Variants in MCIDAS observed in about 807,000 individuals in gnomAD.
MCIDAS encodes the protein multiciliate differentiation and DNA synthesis associated cell cycle protein.
Under a neutral mutation model 35.4 loss-of-function variants are expected in MCIDAS, and 23 were observed. The ratio of observed to expected loss-of-function variants is 0.65; its 90% CI spans 0.47 to 0.92. The LOEUF (loss-of-function observed/expected upper bound fraction) is 0.92, where lower values mean the gene tolerates loss of function less well. Among genes scored for constraint, MCIDAS ranks in the 40% least tolerant of loss-of-function variants. MCIDAS has a pLI of 0.00. For synonymous variants in MCIDAS, 228 were observed against 235.2 expected (o/e 0.97, Z 0.28); for missense variants, 480 against 531.8 (o/e 0.90, Z 0.96).
In MCIDAS at chr5:55,223,730, G is replaced by T. The variant is rs1168436879; in HGVS notation, c.310-707C>A. ...AACCGCCCCACCCATGCAACCGAGC[G>T]GGAAGAAAGCTGTGATTCGAGGGGC... On this transcript the variant is annotated intron_variant, in intron 3 of 6. Coordinates refer to ENST00000513312, the MANE Select transcript of MCIDAS (RefSeq NM_001190787.3). This position sits in a 1 kb window ranked among gnomAD's most constrained non-coding sequence, Gnocchi z 4.4. Among the ~76,000 whole-genome samples the T allele has an allele frequency of 6.6e-6, 1 of 152,224 alleles. No individual in the cohort carries two copies. Among genetic ancestry groups the T allele is most frequent in the Non-Finnish European group, 1.5e-5 (1 of 68,046 alleles).
At chr5:55,225,236 G>T (rs1745436205) in intron 3 of MCIDAS, among the ~76,000 whole-genome samples, 1 of 152,068 alleles carries the variant, frequency 6.6e-6, no homozygotes, top group Non-Finnish European at 1.5e-5. Context: ...TAAACAAAAT[G>T]AAACTTTGAA....
Position 55,221,069 on chromosome 5 carries a change from C to A in MCIDAS, c.664G>T (p.Val222Leu). The A allele has an allele frequency of 6.5e-7, 1 of 1,536,106 alleles. No homozygotes were observed. The highest frequency in any genetic ancestry group is 8.7e-7 in the Non-Finnish European group (1 of 1,146,892). Residue 222 changes from valine (V) to leucine (L), a missense_variant, in exon 6 of 7, where the codon GTG (valine) becomes TTG (leucine). Physicochemically the swap from Val to Leu is conservative, Grantham distance 32. Transcript: ENST00000513312. ...EEIASLKERN[V>L]QLKELASRTR... ...CGGCTGGCGAGTTCCTTCAGCTGCA[C>A]GTTCCGCTCCTTGAGCGAGGCGATC... is the stretch of plus-strand genomic sequence containing the variant.
intron 2 of MCIDAS, 57 bp downstream of exon 2, chr5:55,226,778 G>C: frequency 7.2e-7 from 1 of 1,390,512 alleles, no homozygotes; most frequent in Non-Finnish European, 9.3e-7. Flanking sequence ...AGCTGTGCGC[G>C]CCGCACCCTC....
Position 55,222,411 on chromosome 5 carries a change from C to T in MCIDAS, c.383-12G>A. 1.4e-6 allele frequency: 2 copies of T among 1,463,546 alleles called. No individual in the cohort carries two copies. Among genetic ancestry groups the T allele is most frequent in the Non-Finnish European group, 1.8e-6 (2 of 1,109,462 alleles). 90.7% of individuals were successfully genotyped at this position (1,463,546 alleles called of 1,614,324 possible). A position where few individuals can be genotyped will look rare whatever the true frequency, so the allele number is the denominator to read the frequency against. On this transcript the variant is annotated splice_polypyrimidine_tract_variant and intron_variant, in intron 4 of 6. Transcript: ENST00000513312. Reference sequence around the variant, plus strand: ...CATAGAGGATGAGTCTGGAGAAGAGCAGGAGCTGGATTTGCAGCCTCAAAT... The same window carrying T: ...CATAGAGGATGAGTCTGGAGAAGAGTAGGAGCTGGATTTGCAGCCTCAAAT...
At chr5:55,221,213 C>G in intron 5 of MCIDAS, 87 bp from the exon 6 acceptor site, 1 of 849,092 alleles carries the variant, frequency 1.2e-6, no homozygotes, top group Non-Finnish European at 1.8e-6. Context: ...CAGATCCTGA[C>G]GTCTCATCAG....
chr5:55,227,011 C>T lies in MCIDAS; in HGVS notation c.120+8G>A. ...CAGACCCCGCCCGGCCCGAATCAAC[C>T]GCCCCACCTTCCTCTCCGGCTTCCC... is the stretch of plus-strand genomic sequence containing the variant. On this transcript the variant is annotated splice_region_variant and intron_variant, in intron 1 of 6. Transcript: ENST00000513312. 5.9e-6 allele frequency: 9 copies of T among 1,519,956 alleles called. No homozygotes were observed. The highest frequency in any genetic ancestry group is 7.9e-6 in the Non-Finnish European group (9 of 1,140,282). 94.2% of individuals were successfully genotyped at this position (1,519,956 alleles called of 1,614,324 possible).
At chr5:55,226,791 G>C in intron 2 of MCIDAS, 44 bp downstream of exon 2, 1 of 1,388,718 alleles carries the variant, frequency 7.2e-7, no homozygotes, top group Non-Finnish European at 9.3e-7. Context: ...GCACCCTCCC[G>C]GCGCGGGGAA....
rs1467192192 is a variant in MCIDAS, at chr5:55,226,829, G to A, written c.217+6C>T. The A allele has an allele frequency of 1.4e-6, 2 of 1,391,304 alleles. No individual in the cohort carries two copies. The highest frequency in any genetic ancestry group is 9.3e-7 in the Non-Finnish European group (1 of 1,079,294). 86.2% of individuals were successfully genotyped at this position (1,391,304 alleles called of 1,614,324 possible). On this transcript the variant is annotated splice_donor_region_variant and intron_variant, in intron 2 of 6. Coordinates refer to ENST00000513312, the MANE Select transcript of MCIDAS (RefSeq NM_001190787.3). ...CGAGGGGTAGCGTGGGTGCCACGGG[G>A]CTCACCTGGCAGCGCTGTGGGCTCG...
In MCIDAS at chr5:55,222,971, G is replaced by C. The variant is rs1246657858; in HGVS notation, c.362C>G (p.Thr121Arg). 4 of 1,535,950 alleles carry C rather than the reference G, an allele frequency of 2.6e-6. No individual in the cohort carries two copies. The highest frequency in any genetic ancestry group is 3.5e-6 in the Non-Finnish European group (4 of 1,146,874). Residue 121 changes from threonine (T) to arginine (R), a missense_variant, in exon 4 of 7, where the codon ACG becomes AGG. Transcript: ENST00000513312. ...CTTGCCTGAAATGAGATCATCCACCGTGTCTCTGAAATCTTGCAGATTGAA... is the reference window on the plus strand; with the variant it reads ...CTTGCCTGAAATGAGATCATCCACCCTGTCTCTGAAATCTTGCAGATTGAA... The part of the protein sequence containing the change: ...ADFNLQDFRD[T>R]VDDLISDSSS...
chr5:55,223,149 T>C lies in MCIDAS; in HGVS notation c.310-126A>G, dbSNP rs1745393215. 2 of 740,830 alleles carry C rather than the reference T, an allele frequency of 2.7e-6. No individual in the cohort carries two copies. Among genetic ancestry groups the C allele is most frequent in the Non-Finnish European group, 4.5e-6 (2 of 449,032 alleles). 45.9% of individuals were successfully genotyped at this position (740,830 alleles called of 1,614,324 possible). A position where few individuals can be genotyped will look rare whatever the true frequency, so the allele number is the denominator to read the frequency against. On this transcript the variant is annotated intron_variant, in intron 3 of 6. Coordinates refer to ENST00000513312, the MANE Select transcript of MCIDAS (RefSeq NM_001190787.3). This position sits in a 1 kb window ranked among gnomAD's most constrained non-coding sequence, Gnocchi z 4.4. ...ATATATGCACGTAACACAACTGCAC[T>C]TGTACCCCTAAGTCCCCCCAAATAA...
At chr5:55,225,893 G>C (rs976827920) in intron 3 of MCIDAS, among the ~76,000 whole-genome samples, 3 of 152,212 alleles carry the variant, frequency 2.0e-5, no homozygotes, top group African/African-American at 7.2e-5. Context: ...GCGGAAGTGG[G>C]ATGGGAGCAA....
Position 55,223,870 on chromosome 5 carries a change from A to G in MCIDAS, c.310-847T>C, listed in dbSNP as rs1745409240. On this transcript the variant is annotated intron_variant, in intron 3 of 6. Transcript: ENST00000513312. The surrounding 1 kb of genome is among the most constrained non-coding windows in gnomAD (Gnocchi z 4.4). ...TTTCTCGTACAGCCGGTGCACCTCC[A>G]ACATTATGAACTGTACTCTCCCGGC... 6.6e-6 allele frequency among the ~76,000 whole-genome samples: 1 copy of G among 152,154 alleles called. No individual in the cohort carries two copies. The highest frequency in any genetic ancestry group is 1.5e-5 in the Non-Finnish European group (1 of 68,032).
Position 55,220,800 on chromosome 5 carries a change from T to C in MCIDAS, c.724A>G (p.Met242Val). Reference protein sequence around the residue: ...RHLASVLDKLMITQSRDCGAA... With the variant: ...RHLASVLDKLVITQSRDCGAA... ...CCACAATCCCGGGACTGTGTGATCA[T>C]CAGCTTCTACGAAAGACAGGGAAGA... Residue 242 changes from methionine (M) to valine (V), a missense_variant, in exon 7 of 7, where the codon ATG becomes GTG. Physicochemically the swap from Met to Val is conservative, Grantham distance 21. Transcript: ENST00000513312. 2 of 1,523,934 alleles carry C rather than the reference T, an allele frequency of 1.3e-6. No individual in the cohort carries two copies. Among genetic ancestry groups the C allele is most frequent in the Non-Finnish European group, 1.8e-6 (2 of 1,137,536 alleles). The allele number at this position is 1,523,934 out of a possible 1,614,324, so 94.4% of individuals were successfully genotyped here.
In MCIDAS at chr5:55,223,257, G is replaced by T. The variant is rs537898477; in HGVS notation, c.310-234C>A. Among the ~76,000 whole-genome samples, 40 of 151,534 alleles carry T rather than the reference G, an allele frequency of 2.6e-4. No individual in the cohort carries two copies. Among genetic ancestry groups the T allele is most frequent in the Admixed American group, 4.6e-4 (7 of 15,222 alleles). ...TCGGCGGCGGTCTGCTCGCACTTAC[G>T]TCGCCAGCCCAGTCTCGTACCCGAA... On this transcript the variant is annotated intron_variant, in intron 3 of 6. Transcript: ENST00000513312. The surrounding 1 kb of genome is among the most constrained non-coding windows in gnomAD (Gnocchi z 4.4).
intron 5 of MCIDAS, among the ~76,000 whole-genome samples, chr5:55,221,647 C>A (rs1243341568): frequency 6.6e-6 from 1 of 152,116 alleles, no homozygotes; most frequent in Non-Finnish European, 1.5e-5. Flanking sequence ...ATAAAATGGC[C>A]AGGTGCAGTG....
chr5:55,227,171 G>A lies in MCIDAS; in HGVS notation c.-33C>T. 4 of 1,407,108 alleles carry A rather than the reference G, an allele frequency of 2.8e-6. No individual in the cohort carries two copies. Among genetic ancestry groups the A allele is most frequent in the Non-Finnish European group, 3.7e-6 (4 of 1,089,998 alleles). 87.2% of individuals were successfully genotyped at this position (1,407,108 alleles called of 1,614,324 possible). ...CCTGCCTCCGGGTGCCGACTGCTCGGAGGCGGCGGCCCGGGCTGGGGCAGC... is the reference window on the plus strand; with the variant it reads ...CCTGCCTCCGGGTGCCGACTGCTCGAAGGCGGCGGCCCGGGCTGGGGCAGC... On this transcript the variant is annotated 5_prime_UTR_variant, in exon 1 of 7. Transcript: ENST00000513312.
At position 55,227,097 on chromosome 5, in the gene MCIDAS, G is replaced by C; in HGVS notation, c.42C>G (p.Phe14Leu). ...GCATTCTGTTGGGGCAGATGCTGTC[G>C]AAGGCCCGACGGCCGGCCGCGCCGC... ...CGGGAAGRRAFDSICPNRMLA... is the reference protein window; with the variant it reads ...CGGGAAGRRALDSICPNRMLA... Residue 14 changes from phenylalanine (F) to leucine (L), a missense_variant, in exon 1 of 7, where the codon TTC (phenylalanine) becomes TTG (leucine). Physicochemically the swap from Phe to Leu is conservative, Grantham distance 22. Coordinates refer to ENST00000513312, the MANE Select transcript of MCIDAS (RefSeq NM_001190787.3). The C allele has an allele frequency of 6.7e-7, 1 of 1,502,474 alleles. No individual in the cohort carries two copies. Among genetic ancestry groups the C allele is most frequent in the African/African-American group, 1.4e-5 (1 of 69,126 alleles). 93.1% of individuals were successfully genotyped at this position (1,502,474 alleles called of 1,614,324 possible). A position where few individuals can be genotyped will look rare whatever the true frequency, so the allele number is the denominator to read the frequency against.
At position 55,222,220 on chromosome 5, in the gene MCIDAS, G is replaced by A; in HGVS notation, c.562C>T (p.Gln188Ter). Residue 188 changes from glutamine to a stop codon, truncating the protein, a stop_gained, in exon 5 of 7, where the codon CAG (glutamine) becomes TAG (stop). Coordinates refer to ENST00000513312, the MANE Select transcript of MCIDAS (RefSeq NM_001190787.3). LOFTEE classifies it high-confidence loss of function. ...PEQYWKEVAD[Q>*]NQRALGDALV... ...GCGTCTCCCAACGCTCTCTGGTTCT[G>A]GTCCGCCACCTCCTTCCAGTATTGC... 6.5e-7 allele frequency: 1 copy of A among 1,535,712 alleles called. No individual in the cohort carries two copies. Among genetic ancestry groups the A allele is most frequent in the Non-Finnish European group, 8.7e-7 (1 of 1,146,914 alleles).
chr5:55,226,181 G>A lies in MCIDAS; in HGVS notation c.309+395C>T, dbSNP rs545037591. Among the ~76,000 whole-genome samples the A allele has an allele frequency of 5.9e-5, 9 of 152,192 alleles. No individual in the cohort carries two copies. In the South Asian group the frequency reaches 1.7e-3, roughly 28 times the overall value. On this transcript the variant is annotated intron_variant, in intron 3 of 6. Coordinates refer to ENST00000513312, the MANE Select transcript of MCIDAS (RefSeq NM_001190787.3). ...CTTATATACCCACGGAATGAAAATG[G>A]CCAGGAAGGGGGTGTTGGGAGAACT...
Sources: gnomAD v4.1 joint callset for allele counts (sites outside exome capture counted in the v4.1 genomes callset) on GRCh38, gnomAD v4.1.1 for gene constraint, Gnocchi (gnomAD v3.1) non-coding constraint, MANE v1.5 for transcripts, NCBI Gene and HGNC (gene_info 2026-07-23, HGNC 2026-07-21) for gene names.